The following MRAS variants were observed in gnomAD, a reference collection of about 807,000 sequenced individuals.
MRAS encodes muscle RAS oncogene homolog, also known as ras-related protein M-Ras.
Under a neutral mutation model 20.9 loss-of-function variants are expected in MRAS, and 4 were observed. The ratio of observed to expected loss-of-function variants is 0.19; its 90% CI spans 0.09 to 0.44. MRAS has a LOEUF of 0.44. MRAS is among the 20% of genes least tolerant of loss of function. The pLI is 0.99. For missense variants in MRAS, 154 were observed against 277.5 expected (o/e 0.56, Z 3.16); for synonymous variants, 98 against 102.9 (o/e 0.95, Z 0.29).
intron 2 of MRAS, among the ~76,000 whole-genome samples, chr3:138,391,668 G>A (rs1411775367): frequency 2.6e-5 from 4 of 152,076 alleles, no homozygotes; most frequent in Admixed American, 6.5e-5. Flanking sequence ...AAGAGATCTC[G>A]TTATGTATAT....
intron 2 of MRAS, among the ~76,000 whole-genome samples, chr3:138,379,155 A>G (rs1253053987): frequency 6.6e-6 from 1 of 152,050 alleles, no homozygotes; most frequent in African/African-American, 2.4e-5. Flanking sequence ...GTACCCATTA[A>G]CCAACTTCTC....
intron 2 of MRAS, among the ~76,000 whole-genome samples, chr3:138,378,685 G>T (rs1377881150): frequency 1.5e-4 from 23 of 152,274 alleles, no homozygotes; most frequent in Non-Finnish European, 1.0e-4. Context: ...CAAACCTTCG[G>T]CAGAGCCATA....
At chr3:138,401,973 G>A (rs2055369204) in intron 5 of MRAS, among the ~76,000 whole-genome samples, 197 bp from the exon 6 acceptor site, 1 of 152,136 alleles carries the variant, frequency 6.6e-6, no homozygotes, top group African/African-American at 2.4e-5. Context: ...ATTGCCTCAA[G>A]AGAAGCTATC....
At chr3:138,387,636 C>T (rs2055044520) in intron 2 of MRAS, among the ~76,000 whole-genome samples, 1 of 152,170 alleles carries the variant, frequency 6.6e-6, no homozygotes, top group African/African-American at 2.4e-5. Context: ...CCAGTTGTCT[C>T]CCTGTTTCTC....
At chr3:138,386,426 C>T (rs906469690) in intron 2 of MRAS, among the ~76,000 whole-genome samples, 5 of 152,198 alleles carry the variant, frequency 3.3e-5, no homozygotes, top group African/African-American at 1.2e-4. Flanking sequence ...CGTGCTGCTG[C>T]AGTGTGTATC....
chr3:138,352,164 C>T (rs1033114025), intron 1 of MRAS, among the ~76,000 whole-genome samples: 6 of 152,348 alleles, frequency 3.9e-5, no homozygotes, highest in Middle Eastern at 3.4e-3. Flanking sequence ...CTCATGCTTC[C>T]GCAGAGGTGA....
At position 138,375,305 on chromosome 3, in the gene MRAS, A is replaced by T. The variant is rs143982121; in HGVS notation, c.193+2229A>T. Among the ~76,000 whole-genome samples, 22 of 152,234 alleles carry T rather than the reference A, an allele frequency of 1.4e-4. No homozygotes were observed. The East Asian group carries it at 4.2e-3, about 29-fold the overall frequency. On this transcript the variant is annotated intron_variant, in intron 2 of 5. Coordinates refer to ENST00000423968, the MANE Select transcript of MRAS (RefSeq NM_001085049.3). ...TGCTAAACTTTTGTTTACAATTCTT[A>T]TGTCTGTGTTCTTGTGAAATATTGG... is the stretch of plus-strand genomic sequence containing the variant.
intron 1 of MRAS, among the ~76,000 whole-genome samples, chr3:138,366,300 T>C (rs2054559156): frequency 6.6e-6 from 1 of 152,204 alleles, no homozygotes; most frequent in African/African-American, 2.4e-5. Flanking sequence ...GAGATGAGAT[T>C]AGCTTCCCAG....
Position 138,348,787 on chromosome 3 carries a change from T to C in MRAS, c.-19+20T>C, listed in dbSNP as rs1297699880. 6.6e-6 allele frequency: 1 copy of C among 151,230 alleles called. No individual in the cohort carries two copies. The highest frequency in any genetic ancestry group is 2.1e-4 in the South Asian group (1 of 4,808). The allele number at this position is 151,230 out of a possible 1,614,324, so 9.4% of individuals were successfully genotyped here. On this transcript the variant is annotated intron_variant, in intron 1 of 5. Transcript: ENST00000423968. ...CGCGCGGTGAGTGGTCGGGCGGCCT[T>C]GGAGGGGAGGGGGCCCGGCCGCGCC...
Position 138,348,721 on chromosome 3 carries a change from G to A in MRAS, c.-65G>A, listed in dbSNP as rs2054164656. On this transcript the variant is annotated 5_prime_UTR_variant, in exon 1 of 6. Transcript: ENST00000423968. The stretch of plus-strand genomic sequence containing the variant: ...CTGCCTCCTCACCGGCGCAGGCTAG[G>A]AGGGGGCGGCCTGAGTGCCGTAGCC... 6.6e-6 allele frequency: 1 copy of A among 151,710 alleles called. No homozygotes were observed. Among genetic ancestry groups the A allele is most frequent in the African/African-American group, 2.4e-5 (1 of 41,396 alleles). 9.4% of individuals were successfully genotyped at this position (151,710 alleles called of 1,614,324 possible).
Position 138,402,540 on chromosome 3 carries a change from G to A in MRAS, c.*271G>A, listed in dbSNP as rs563756791. 145 of 399,456 alleles carry A rather than the reference G, an allele frequency of 3.6e-4. No homozygotes were observed. The Middle Eastern group carries it at 3.9e-3, about 11-fold the overall frequency. 24.7% of individuals were successfully genotyped at this position (399,456 alleles called of 1,614,324 possible). On this transcript the variant is annotated 3_prime_UTR_variant, in exon 6 of 6. Transcript: ENST00000423968. ...CCCCCCCATGTGTTGATTCAACCCG[G>A]TTCCTCCCCCTCTCTCGGTGGGTGT...
chr3:138,362,909 C>T (rs1576347405), intron 1 of MRAS, among the ~76,000 whole-genome samples: 1 of 152,204 alleles, frequency 6.6e-6, no homozygotes, highest in Non-Finnish European at 1.5e-5. Context: ...CACATACACA[C>T]TCCACATTCC....
At chr3:138,364,019 C>A (rs77573031) in intron 1 of MRAS, among the ~76,000 whole-genome samples, 1 of 152,106 alleles carries the variant, frequency 6.6e-6, no homozygotes, top group South Asian at 2.1e-4. Flanking sequence ...TCTGAGGAGC[C>A]GTCTTGAGGA....
At chr3:138,360,309 G>A (rs114765724) in intron 1 of MRAS, among the ~76,000 whole-genome samples, 221 of 152,290 alleles carry the variant, frequency 1.5e-3, no homozygotes, top group African/African-American at 4.9e-3. Context: ...CGGGCCTTCC[G>A]TTCCCTCTCT....
chr3:138,375,733 T>C (rs1355617242), intron 2 of MRAS, among the ~76,000 whole-genome samples: 1 of 152,184 alleles, frequency 6.6e-6, no homozygotes, highest in African/African-American at 2.4e-5. Context: ...AATACAACTT[T>C]GTGGCTGGGC....
chr3:138,362,725 G>A (rs1197100904), intron 1 of MRAS, among the ~76,000 whole-genome samples: 2 of 152,132 alleles, frequency 1.3e-5, no homozygotes, highest in African/African-American at 2.4e-5. Context: ...GCCTAGCCCT[G>A]CAGCCTTGGG....
intron 1 of MRAS, among the ~76,000 whole-genome samples, chr3:138,351,115 A>G (rs1351066026): frequency 3.9e-5 from 6 of 152,132 alleles, no homozygotes; most frequent in Non-Finnish European, 7.4e-5. Flanking sequence ...AGCCTCCTGG[A>G]TCTAGTGAGT....
intron 2 of MRAS, among the ~76,000 whole-genome samples, chr3:138,393,763 C>G (rs910240857): frequency 6.6e-6 from 1 of 151,980 alleles, no homozygotes; most frequent in African/African-American, 2.4e-5. Flanking sequence ...GATCTTGGCT[C>G]ACTGCAACCT....
At chr3:138,365,667 A>G (rs1438184249) in intron 1 of MRAS, among the ~76,000 whole-genome samples, 1 of 152,220 alleles carries the variant, frequency 6.6e-6, no homozygotes, top group African/African-American at 2.4e-5. Flanking sequence ...AGCCGTTCCT[A>G]TGGAAAAGGA....
Sources: allele counts gnomAD v4.1 joint callset (sites outside exome capture counted in the v4.1 genomes callset), GRCh38; gene constraint gnomAD v4.1.1; transcripts MANE v1.5; gene names NCBI Gene and HGNC (gene_info 2026-07-23, HGNC 2026-07-21).